Variants in SLCO1A2 observed in about 807,000 individuals in gnomAD.
The protein encoded by SLCO1A2 is solute carrier organic anion transporter family member 1A2, also known as OATP-1.
SLCO1A2 carries 67 observed loss-of-function variants against 69.0 expected under a neutral mutation model. That is an observed-to-expected ratio of 0.97 (90% CI 0.80 to 1.19). SLCO1A2 has a LOEUF of 1.19. Ranked by LOEUF, SLCO1A2 falls within the 50% of genes most tolerant of loss-of-function variation. The probability of loss-of-function intolerance (pLI) is 0.00; values close to 1 mark genes in which losing one functional copy is unlikely to be tolerated. For missense variants in SLCO1A2, 787 were observed against 793.7 expected, an observed-to-expected ratio of 0.99 and a Z score of 0.10; for synonymous variants, 260 against 265.9, an observed-to-expected ratio of 0.98 and a Z score of 0.22.
At chr12:21,336,084 G>A (rs972284947), upstream of SLCO1A2, among the ~76,000 whole-genome samples, 1 of 151,998 alleles carries the variant, frequency 6.6e-6, no homozygotes, top group African/African-American at 2.4e-5. Context: ...ACAGGTTATT[G>A]TTCTGAACTG....
chr12:21,331,516 CA>C (rs1367886746), intron 2 of SLCO1A2, among the ~76,000 whole-genome samples: 2 of 151,620 alleles, frequency 1.3e-5, no homozygotes, highest in Non-Finnish European at 2.9e-5. Flanking sequence ...ACCAGAACAA[CA>C]AAAAACCCCA....
chr12:21,271,192 G>C (rs113043595), intron 14 of SLCO1A2, among the ~76,000 whole-genome samples: 1 of 151,696 alleles, frequency 6.6e-6, no homozygotes, highest in African/African-American at 2.4e-5. Context: ...CCTGTAAAAG[G>C]TGTTTTACCT....
chr12:21,316,377 G>A (rs996647228), intron 3 of SLCO1A2, among the ~76,000 whole-genome samples: 6 of 151,880 alleles, frequency 4.0e-5, no homozygotes, highest in African/African-American at 9.7e-5. Context: ...CATAGATTCC[G>A]CTTTTCCCCC....
At chr12:21,370,820 A>G (rs2137083241) in intron 2 of SLCO1A2, among the ~76,000 whole-genome samples, 1 of 152,298 alleles carries the variant, frequency 6.6e-6, no homozygotes, top group East Asian at 1.9e-4. Flanking sequence ...ATTTAATGTC[A>G]CTGGCCCTGG....
chr12:21,321,874 A>T (rs1951672522), intron 2 of SLCO1A2, among the ~76,000 whole-genome samples: 1 of 152,064 alleles, frequency 6.6e-6, no homozygotes, highest in East Asian at 1.9e-4. Context: ...TACAACCTCT[A>T]TTACAGTGTA....
chr12:21,330,824 A>C (rs1285979498), intron 2 of SLCO1A2, among the ~76,000 whole-genome samples: 1 of 152,132 alleles, frequency 6.6e-6, no homozygotes, highest in African/African-American at 2.4e-5. Flanking sequence ...AGCCAACTGA[A>C]TCACATAACA....
intron 2 of SLCO1A2, among the ~76,000 whole-genome samples, chr12:21,342,183 G>C (rs1053256223): frequency 6.6e-6 from 1 of 151,958 alleles, no homozygotes; most frequent in Non-Finnish European, 1.5e-5. Context: ...AAATGATAAT[G>C]TTATACATTT....
At chr12:21,323,034 T>C (rs1441062282) in intron 2 of SLCO1A2, among the ~76,000 whole-genome samples, 5 of 152,244 alleles carry the variant, frequency 3.3e-5, no homozygotes, top group African/African-American at 1.2e-4. Context: ...GTCAAAAGAC[T>C]TATAGCAAAT....
chr12:21,362,630 T>A lies in SLCO1A2; in HGVS notation c.-63+11769A>T, dbSNP rs1939009529. ...AAATTGGATAAAGAGTCAAGACGCA[T>A]CAGTGTGTGGTATTCAGGAGACCCA... On this transcript the variant is annotated intron_variant, in intron 2 of 15. Transcript: ENST00000307378. 3.9e-5 allele frequency among the ~76,000 whole-genome samples: 6 copies of A among 152,212 alleles called. No homozygotes were observed. In the South Asian group the frequency reaches 1.2e-3, roughly 32 times the overall value.
chr12:21,315,971 C>G (rs1950814212), intron 3 of SLCO1A2, among the ~76,000 whole-genome samples: 1 of 152,138 alleles, frequency 6.6e-6, no homozygotes, highest in South Asian at 2.1e-4. Context: ...GTAAAACTGA[C>G]TGGGGAAATA....
Position 21,274,559 on chromosome 12 carries a change from C to T in SLCO1A2, c.1703G>A (p.Gly568Asp). ...FAGIPAPIYF[G>D]ALMDSTCLHW... ...TAAACATGTGGAATCCATTAAAGCG[C>T]CAAAATATATAGGTGCAGGAATGCC... is the stretch of plus-strand genomic sequence containing the variant. The change falls in exon 14 of 15, where the codon GGC (glycine) becomes GAC (aspartate). Residue 568 changes from glycine (G) to aspartate (D), a missense_variant. Coordinates refer to ENST00000683939, the MANE Select transcript of SLCO1A2 (RefSeq NM_001386879.1). The T allele has an allele frequency of 6.2e-7, 1 of 1,612,996 alleles. No individual in the cohort carries two copies. The highest frequency in any genetic ancestry group is 1.1e-5 in the South Asian group (1 of 91,050).
Position 21,297,435 on chromosome 12 carries a change from T to C in SLCO1A2, c.1044A>G (p.Gly348=). ...FMPKYLEQQY[G]ISSSDAIFLM... ...GAAAGATTGCATCTGAAGATGATAT[T>C]CCATATTGCTGTTCTAGGTATTTAG... Residue 348 remains glycine (G), a synonymous_variant, in exon 9 of 15, where the codon GGA becomes GGG. Coordinates refer to ENST00000683939, the MANE Select transcript of SLCO1A2 (RefSeq NM_001386879.1). The C allele has an allele frequency of 6.2e-7, 1 of 1,611,922 alleles. No homozygotes were observed. Among genetic ancestry groups the C allele is most frequent in the East Asian group, 2.2e-5 (1 of 44,828 alleles).
At chr12:21,297,299 C>A in intron 9 of SLCO1A2, 105 bp downstream of exon 9, 1 of 650,648 alleles carries the variant, frequency 1.5e-6, no homozygotes, top group Admixed American at 3.3e-5. Context: ...CCACCAGAGT[C>A]AAAAAATATC....
intron 1 of SLCO1A2, among the ~76,000 whole-genome samples, chr12:21,407,043 C>T (rs949782687): frequency 6.6e-6 from 1 of 152,092 alleles, no homozygotes; most frequent in East Asian, 1.9e-4. Flanking sequence ...ACTTTTTCAT[C>T]TTCTGTCAAG....
chr12:21,333,786 A>T (rs1048914792), intron 2 of SLCO1A2, among the ~76,000 whole-genome samples: 4 of 152,122 alleles, frequency 2.6e-5, no homozygotes, highest in Non-Finnish European at 4.4e-5. Context: ...TTTTCAGATG[A>T]GAAAACTGAA....
chr12:21,408,141 C>T (rs1941851988), intron 1 of SLCO1A2, among the ~76,000 whole-genome samples: 1 of 152,092 alleles, frequency 6.6e-6, no homozygotes, highest in South Asian at 2.1e-4. Flanking sequence ...TAAATTTTTA[C>T]ACAAAATAAT....
intron 1 of SLCO1A2, among the ~76,000 whole-genome samples, chr12:21,387,080 G>T (rs2192172): frequency 0.68 from 103,579 of 152,046 alleles, 35,375 homozygotes; most frequent in Middle Eastern, 0.79. Context: ...TTTTTGCCCC[G>T]GCCCTAGAGA....
At chr12:21,338,881 TTATG>T (rs1287106821), upstream of SLCO1A2, among the ~76,000 whole-genome samples, 1 of 151,964 alleles carries the variant, frequency 6.6e-6, no homozygotes, top group Non-Finnish European at 1.5e-5. Flanking sequence ...ACACATTTAT[TTATG>T]TATTTTTCAC....
chr12:21,334,818 C>A lies in SLCO1A2; in HGVS notation c.-63+9G>T. 1 of 549,068 alleles carries A rather than the reference C, an allele frequency of 1.8e-6. No individual in the cohort carries two copies. The highest frequency in any genetic ancestry group is 3.1e-6 in the Non-Finnish European group (1 of 318,700). 34.0% of individuals were successfully genotyped at this position (549,068 alleles called of 1,614,324 possible). ...AACATAATTGAAATCCATTGCATTA[C>A]AAAAATACCTGGAACGCTTTAATAC... On this transcript the variant is annotated intron_variant, in intron 1 of 14. Coordinates refer to ENST00000683939, the MANE Select transcript of SLCO1A2 (RefSeq NM_001386879.1).
Sources: allele counts gnomAD v4.1 joint callset (sites outside exome capture counted in the v4.1 genomes callset), GRCh38; gene constraint gnomAD v4.1.1; transcripts MANE v1.5; gene names NCBI Gene and HGNC (gene_info 2026-07-23, HGNC 2026-07-21).